The following DNAH5 variants were observed in gnomAD, a reference collection of about 807,000 sequenced individuals.
DNAH5 encodes the protein dynein axonemal heavy chain 5, also known as axonemal beta dynein heavy chain 5.
In DNAH5, 372 loss-of-function variants were observed where a neutral mutation model predicts 518.2. The ratio of observed to expected loss-of-function variants is 0.72; its 90% CI spans 0.66 to 0.78. The LOEUF (loss-of-function observed/expected upper bound fraction) is 0.78, where lower values mean the gene tolerates loss of function less well. DNAH5 is among the 30% of genes least tolerant of loss of function. The probability of loss-of-function intolerance (pLI) is 0.00; values close to 1 mark genes in which losing one functional copy is unlikely to be tolerated. For missense variants in DNAH5, 5,523 were observed against 5,687.0 expected, an observed-to-expected ratio of 0.97 and a Z score of 0.93; for synonymous variants, 2,039 against 2,025.9, an observed-to-expected ratio of 1.01 and a Z score of -0.17.
intron 70 of DNAH5, among the ~76,000 whole-genome samples, chr5:13,725,611 G>C (rs910641896): frequency 1.5e-4 from 23 of 152,232 alleles, no homozygotes; most frequent in Admixed American, 1.3e-4. Flanking sequence ...TTCAATGGGG[G>C]AGAAAATGAA....
chr5:13,739,203 C>T lies in DNAH5; in HGVS notation c.11212-1708G>A, dbSNP rs540690101. On this transcript the variant is annotated intron_variant, in intron 65 of 78. Transcript: ENST00000265104. The stretch of plus-strand genomic sequence containing the variant: ...GGTGATATGGTTTGGCTCTGTGCCC[C>T]CACTCAAATCTCACCTTGAATTGTA... 4.6e-5 allele frequency among the ~76,000 whole-genome samples: 7 copies of T among 152,212 alleles called. No individual in the cohort carries two copies. The East Asian group carries it at 1.2e-3, about 25-fold the overall frequency.
intron 15 of DNAH5, among the ~76,000 whole-genome samples, chr5:13,895,962 T>C (rs1773874397): frequency 1.3e-5 from 2 of 152,022 alleles, no homozygotes; most frequent in Non-Finnish European, 2.9e-5. Flanking sequence ...CATTAGGATA[T>C]CTTGTTTGCT....
chr5:13,870,924 C>G lies in DNAH5; in HGVS notation c.3677G>C (p.Arg1226Pro), dbSNP rs781418120. The stretch of plus-strand genomic sequence containing the variant: ...CATAAAAATGTTTTCCATCTCACTC[C>G]GGTATTTTTTGTTACAGTGGCGTCC... ...VIGRHCNKKY[R>P]SEMENIFMLI... Residue 1226 changes from arginine to proline, a missense_variant, in exon 24 of 79, where the codon CGG (arginine) becomes CCG (proline). This residue lies in a region of DNAH5 where 5,121 missense variants were observed against 5,223.3 expected (regional missense o/e 0.98). Transcript: ENST00000265104. The G allele has an allele frequency of 6.2e-7, 1 of 1,613,622 alleles. No individual in the cohort carries two copies. Among genetic ancestry groups the G allele is most frequent in the South Asian group, 1.1e-5 (1 of 91,078 alleles).
chr5:13,816,572 A>C (rs1258788371), intron 42 of DNAH5, among the ~76,000 whole-genome samples: 2 of 150,254 alleles, frequency 1.3e-5, no homozygotes, highest in Admixed American at 1.3e-4. Context: ...AAACAAAAAA[A>C]CCTCTGCGCT....
At chr5:14,001,255 T>A (rs987701828) in intron 1 of DNAH5, among the ~76,000 whole-genome samples, 3 of 152,166 alleles carry the variant, frequency 2.0e-5, no homozygotes, top group African/African-American at 7.2e-5. Context: ...ACAATATACC[T>A]CTGTGACAAA....
chr5:13,916,581 T>A, intron 8 of DNAH5, 126 bp from the exon 9 acceptor site: 1 of 493,328 alleles, frequency 2.0e-6, no homozygotes, highest in Non-Finnish European at 3.7e-6. Flanking sequence ...AAAATACTAT[T>A]TAATGCTTTA....
At chr5:13,760,797 C>A (rs9688222) in intron 60 of DNAH5, among the ~76,000 whole-genome samples, 46,581 of 151,978 alleles carry the variant, frequency 0.31, 7,629 homozygotes, top group South Asian at 0.44. Context: ...AGGGGTTTGC[C>A]AGTGAAGCCC....
In DNAH5 at chr5:13,776,470, G is replaced by A; in HGVS notation, c.9342C>T (p.Phe3114=). 1 of 1,613,818 alleles carries A rather than the reference G, an allele frequency of 6.2e-7. No individual in the cohort carries two copies. Among genetic ancestry groups the A allele is most frequent in the East Asian group, 2.2e-5 (1 of 44,876 alleles). The part of the protein sequence containing the change: ...ALISGCTIDW[F]SRWPKDALVA... The stretch of plus-strand genomic sequence containing the variant: ...CTAAAGCATCTTTGGGCCATCGGCT[G>A]AACCAGTCAATTGTGCATCCTGAAA... Residue 3114 remains phenylalanine, a synonymous_variant, in exon 55 of 79, where the codon TTC becomes TTT. Transcript: ENST00000265104.
chr5:13,691,864 C>G lies in DNAH5; in HGVS notation c.*120G>C. Reference sequence around the variant, plus strand: ...AATTAAGGAGTGGGGAAAACCTATGCAGCTCATTAATTGCATAAACGACCT... The same window carrying G: ...AATTAAGGAGTGGGGAAAACCTATGGAGCTCATTAATTGCATAAACGACCT... On this transcript the variant is annotated 3_prime_UTR_variant, in exon 79 of 79. Transcript: ENST00000265104. 8.3e-7 allele frequency: 1 copy of G among 1,207,186 alleles called. No homozygotes were observed. Among genetic ancestry groups the G allele is most frequent in the Non-Finnish European group, 1.2e-6 (1 of 832,880 alleles). 74.8% of individuals were successfully genotyped at this position (1,207,186 alleles called of 1,614,324 possible). A position where few individuals can be genotyped will look rare whatever the true frequency, so the allele number is the denominator to read the frequency against.
intron 12 of DNAH5, among the ~76,000 whole-genome samples, chr5:13,906,655 A>G (rs1775337288): frequency 6.6e-6 from 1 of 152,228 alleles, no homozygotes; most frequent in Admixed American, 6.5e-5. Context: ...TCAAAATATA[A>G]TAATTTAAGC....
At chr5:13,876,641 G>C in intron 22 of DNAH5, 43 bp downstream of exon 22, 1 of 1,606,172 alleles carries the variant, frequency 6.2e-7, no homozygotes, top group Non-Finnish European at 8.5e-7. Flanking sequence ...ACAAGTGCAT[G>C]TTGCAAAGCA....
At chr5:13,871,905 A>G (rs1205057507) in intron 22 of DNAH5, 140 bp from the exon 23 acceptor site, 1 of 788,178 alleles carries the variant, frequency 1.3e-6, no homozygotes, top group Non-Finnish European at 2.1e-6. Flanking sequence ...TGGAAATGCC[A>G]AAGAACTGGG....
rs534702284 is a variant in DNAH5 at position 13,901,420 on chromosome 5, C to T, written c.1884G>A (p.Leu628=). The T allele has an allele frequency of 6.8e-6, 11 of 1,614,078 alleles. No individual in the cohort carries two copies. Among genetic ancestry groups the T allele is most frequent in the Non-Finnish European group, 8.5e-7 (1 of 1,180,008 alleles). Residue 628 remains leucine (L), a synonymous_variant, in exon 14 of 79, where the codon TTG becomes TTA. Coordinates refer to ENST00000265104, the MANE Select transcript of DNAH5 (RefSeq NM_001369.3). ...RNQPPIAGKI[L]WARQLFHRIQ... is the part of the protein sequence containing the mutation. ...TCCTATGGAAGAGCTGGCGGGCCCACAAAATCTTTCCAGCGATGGGAGGCT... is the reference window on the plus strand; with the variant it reads ...TCCTATGGAAGAGCTGGCGGGCCCATAAAATCTTTCCAGCGATGGGAGGCT...
intron 76 of DNAH5, among the ~76,000 whole-genome samples, chr5:13,704,412 A>G (rs1202887642): frequency 2.6e-5 from 4 of 152,182 alleles, no homozygotes; most frequent in African/African-American, 9.7e-5. Context: ...AGTCTGTCTG[A>G]TACCAAATAC....
rs905460091 is a variant in DNAH5, at chr5:13,859,741, T to C, written c.4797-136A>G. On this transcript the variant is annotated intron_variant, in intron 29 of 78. Coordinates refer to ENST00000265104, the MANE Select transcript of DNAH5 (RefSeq NM_001369.3). ...ATTATGTTGCTGGCTTTTAAAGTGA[T>C]GCAACCAAGTGATTAATTCATCCCC... 5.1e-6 allele frequency: 4 copies of C among 787,392 alleles called. No individual in the cohort carries two copies. The African/African-American group carries it at 5.2e-5, about 10-fold the overall frequency. 48.8% of individuals were successfully genotyped at this position (787,392 alleles called of 1,614,324 possible).
At chr5:13,949,554 T>C (rs1483005868), upstream of DNAH5, among the ~76,000 whole-genome samples, 1 of 152,164 alleles carries the variant, frequency 6.6e-6, no homozygotes, top group Non-Finnish European at 1.5e-5. Flanking sequence ...TCTGTCAAAA[T>C]TCAAAAGAGA....
Position 13,777,364 on chromosome 5 carries a change from AT to A in DNAH5, c.8952-10del. On this transcript the variant is annotated splice_polypyrimidine_tract_variant and intron_variant, in intron 53 of 78. Transcript: ENST00000265104. ...TTGATGTGTTGTAGGATCTAAAGAA[AT>A]ATTTTCATTTTGTCATTAGCTAAAA... The A allele has an allele frequency of 6.2e-7, 1 of 1,611,982 alleles. No homozygotes were observed. The highest frequency in any genetic ancestry group is 8.5e-7 in the Non-Finnish European group (1 of 1,178,654).
At chr5:14,005,288 A>G (rs1463607660) in intron 1 of DNAH5, among the ~76,000 whole-genome samples, 1 of 152,204 alleles carries the variant, frequency 6.6e-6, no homozygotes, top group Non-Finnish European at 1.5e-5. Flanking sequence ...GCTTTCTATG[A>G]CAAAAACAGT....
At position 13,886,108 on chromosome 5, in the gene DNAH5, G is replaced by T. The variant is rs1484394072; in HGVS notation, c.2599C>A (p.Gln867Lys). The T allele has an allele frequency of 6.4e-7, 1 of 1,559,618 alleles. No individual in the cohort carries two copies. The highest frequency in any genetic ancestry group is 2.3e-5 in the East Asian group (1 of 43,964). The change falls in exon 18 of 79, where the codon CAA (glutamine) becomes AAA (lysine). Residue 867 changes from glutamine to lysine, a missense_variant. Physicochemically the swap from Gln to Lys is moderately conservative, Grantham distance 53. Around this residue, in one of 3 missense-constraint regions of DNAH5, gnomAD observed 5,121 missense variants for 5,223.3 expected, o/e 0.98. Coordinates refer to ENST00000265104, the MANE Select transcript of DNAH5 (RefSeq NM_001369.3). Reference protein sequence around the residue: ...MTKDLCVNGAQILHFKSSLVE... With the variant: ...MTKDLCVNGAKILHFKSSLVE... ...AATGAGCTTTTAAAATGTAGTATTT[G>T]TGCACCATTTACACAAAGATCCTAA...
Sources: gnomAD v4.1 joint callset for allele counts (sites outside exome capture counted in the v4.1 genomes callset) on GRCh38, gnomAD v4.1.1 for gene constraint, gnomAD v4.1.1 regional missense constraint, MANE v1.5 for transcripts, NCBI Gene and HGNC (gene_info 2026-07-23, HGNC 2026-07-21) for gene names.